SACM1L: variants seen among roughly 807,000 people sequenced by gnomAD.
SACM1L encodes the protein SAC1 like phosphatidylinositide phosphatase.
In SACM1L, 32 loss-of-function variants were observed where a neutral mutation model predicts 89.5. The observed-to-expected ratio is 0.36, with a 90% CI of 0.27 to 0.48. SACM1L has a LOEUF of 0.48. SACM1L is among the 20% of genes least tolerant of loss of function. The pLI, the probability that SACM1L is intolerant of heterozygous loss-of-function variation, is 0.99. For synonymous variants in SACM1L, 213 were observed against 232.8 expected (o/e 0.92, Z 0.77); for missense variants, 543 against 708.5 (o/e 0.77, Z 2.65).
At chr3:45,735,480 G>C (rs1699178082) in intron 14 of SACM1L, 107 bp downstream of exon 14, 2 of 1,108,858 alleles carry the variant, frequency 1.8e-6, no homozygotes, top group Admixed American at 3.1e-5. Context: ...CCCTAACCCA[G>C]CTCTTTTTAT....
At chr3:45,728,221 C>T (rs1284446315) in intron 11 of SACM1L, among the ~76,000 whole-genome samples, 1 of 152,106 alleles carries the variant, frequency 6.6e-6, no homozygotes, top group Non-Finnish European at 1.5e-5. Context: ...GTAGTTAGAT[C>T]ATATTTTTTT....
chr3:45,720,730 G>A (rs889587959), intron 8 of SACM1L, among the ~76,000 whole-genome samples: 2 of 152,182 alleles, frequency 1.3e-5, no homozygotes, highest in African/African-American at 4.8e-5. Flanking sequence ...AGCAAGGATA[G>A]CCTGTGCCTC....
intron 18 of SACM1L, among the ~76,000 whole-genome samples, chr3:45,739,226 C>G (rs1699265832): frequency 6.6e-6 from 1 of 152,128 alleles, no homozygotes; most frequent in South Asian, 2.1e-4. Context: ...TCCTTTTTGA[C>G]TCCTCTGTTC....
At chr3:45,691,075 C>T (rs1340031063) in intron 1 of SACM1L, among the ~76,000 whole-genome samples, 3 of 152,124 alleles carry the variant, frequency 2.0e-5, no homozygotes, top group Admixed American at 1.3e-4. Context: ...CCCAAATCCT[C>T]GCATACATAA....
At chr3:45,727,716 CT>C (rs1407111477) in intron 11 of SACM1L, among the ~76,000 whole-genome samples, 1 of 152,168 alleles carries the variant, frequency 6.6e-6, no homozygotes. Flanking sequence ...CTGCCTCAGC[CT>C]CCCGAGTAGC....
intron 19 of SACM1L, among the ~76,000 whole-genome samples, chr3:45,741,519 A>T (rs191115858): frequency 1.3e-5 from 2 of 152,274 alleles, no homozygotes; most frequent in East Asian, 3.9e-4. Context: ...GGATATAGTG[A>T]GCCCTCAGTA....
chr3:45,718,649 T>C (rs1341348212), intron 7 of SACM1L, among the ~76,000 whole-genome samples: 1 of 152,222 alleles, frequency 6.6e-6, no homozygotes, highest in Non-Finnish European at 1.5e-5. Context: ...CTCCCCATAC[T>C]AAATGGGTAT....
In SACM1L at chr3:45,735,286, G is replaced by A. The variant is rs1699173383; in HGVS notation, c.1152G>A (p.Val384=). The change falls in exon 14 of 20, where the codon GTG becomes GTA. Residue 384 remains valine (V), a synonymous_variant. Coordinates refer to ENST00000389061, the MANE Select transcript of SACM1L (RefSeq NM_014016.5). ...AGGTGGTGGCAAACCAGGAAGGCGT[G>A]TTCCGAAGCAATTGCATGGATTGTC... ...AGQVVANQEG[V]FRSNCMDCLD... 5 of 1,613,052 alleles carry A rather than the reference G, an allele frequency of 3.1e-6. No individual in the cohort carries two copies. Among genetic ancestry groups the A allele is most frequent in the Non-Finnish European group, 2.5e-6 (3 of 1,179,790 alleles).
chr3:45,730,248 T>G (rs1559549413), intron 11 of SACM1L, among the ~76,000 whole-genome samples: 2 of 152,040 alleles, frequency 1.3e-5, no homozygotes, highest in Non-Finnish European at 2.9e-5. Context: ...ATATGTTTGA[T>G]TATTATAATA....
intron 7 of SACM1L, among the ~76,000 whole-genome samples, chr3:45,716,128 C>T (rs1002151341): frequency 7.2e-5 from 11 of 152,082 alleles, no homozygotes; most frequent in African/African-American, 2.2e-4. Flanking sequence ...ATTAGCTCAG[C>T]CCAGATGACT....
At chr3:45,720,579 C>G (rs1487410345) in intron 8 of SACM1L, among the ~76,000 whole-genome samples, 1 of 152,082 alleles carries the variant, frequency 6.6e-6, no homozygotes, top group Non-Finnish European at 1.5e-5. Flanking sequence ...CACCTTGTTT[C>G]CTTTTTTTCC....
intron 11 of SACM1L, among the ~76,000 whole-genome samples, chr3:45,729,078 A>C (rs1698989060): frequency 6.6e-6 from 1 of 151,558 alleles, no homozygotes; most frequent in African/African-American, 2.4e-5. Context: ...TTTTGGATTT[A>C]TTTATTTATT....
intron 1 of SACM1L, among the ~76,000 whole-genome samples, chr3:45,693,588 C>T (rs1425664377): frequency 2.6e-5 from 4 of 152,198 alleles, no homozygotes; most frequent in African/African-American, 7.2e-5. Context: ...GATCATACAG[C>T]CAAGCCATGG....
chr3:45,742,530 A>G (rs1253407449), intron 19 of SACM1L: 1 of 152,246 alleles, frequency 6.6e-6, no homozygotes, highest in Non-Finnish European at 1.5e-5. Flanking sequence ...CAGAGAGAGA[A>G]GCTATTCTCT....
chr3:45,694,044 G>C (rs1014517739), intron 1 of SACM1L, among the ~76,000 whole-genome samples: 8 of 152,194 alleles, frequency 5.3e-5, no homozygotes, highest in African/African-American at 1.7e-4. Context: ...CCTTTGCAGG[G>C]AAATGACATC....
At chr3:45,716,580 C>T (rs1374930122) in intron 7 of SACM1L, among the ~76,000 whole-genome samples, 1 of 152,092 alleles carries the variant, frequency 6.6e-6, no homozygotes, top group Non-Finnish European at 1.5e-5. Flanking sequence ...GTGTGGGCTG[C>T]TCACCTACCA....
chr3:45,695,215 CT>C (rs1698092500), intron 1 of SACM1L, among the ~76,000 whole-genome samples: 1 of 151,912 alleles, frequency 6.6e-6, no homozygotes, highest in Admixed American at 6.6e-5. Context: ...GTGCCTCTGT[CT>C]TTTCAACCAG....
chr3:45,697,250 T>C (rs1698150858), intron 1 of SACM1L, among the ~76,000 whole-genome samples: 1 of 149,778 alleles, frequency 6.7e-6, no homozygotes, highest in African/African-American at 2.5e-5. Context: ...TCCTCCTGCT[T>C]TGTTTTTCTT....
chr3:45,728,631 A>G (rs1160138781), intron 11 of SACM1L, among the ~76,000 whole-genome samples: 1 of 152,184 alleles, frequency 6.6e-6, no homozygotes, highest in East Asian at 1.9e-4. Context: ...CAGTAACATC[A>G]ATATATAATT....
Sources: gnomAD v4.1 joint callset for allele counts (sites outside exome capture counted in the v4.1 genomes callset) on GRCh38, gnomAD v4.1.1 for gene constraint, MANE v1.5 for transcripts, NCBI Gene and HGNC (gene_info 2026-07-23, HGNC 2026-07-21) for gene names.